SLCO1C1: variants seen among roughly 807,000 people sequenced by gnomAD.
The protein encoded by SLCO1C1 is OAT-RP-5.
A neutral mutation model predicts 76.4 loss-of-function variants in SLCO1C1; 70 were observed. That is an observed-to-expected ratio of 0.92 (90% confidence interval 0.76 to 1.12). The LOEUF (loss-of-function observed/expected upper bound fraction) is 1.12, where lower values mean the gene tolerates loss of function less well. Among genes scored for constraint, SLCO1C1 ranks in the 50% most tolerant of loss-of-function variants. The pLI is 0.00. For missense variants in SLCO1C1, 912 were observed against 823.8 expected, an observed-to-expected ratio of 1.11 and a Z score of -1.31; for synonymous variants, 306 against 286.1, an observed-to-expected ratio of 1.07 and a Z score of -0.70.
chr12:20,740,401 C>T (rs751227067), intron 12 of SLCO1C1, 33 bp downstream of exon 12: 1 of 1,558,564 alleles, frequency 6.4e-7, no homozygotes, highest in South Asian at 1.2e-5. Context: ...CTAATTTTAA[C>T]ACAAGACACA....
At chr12:20,738,418 A>T (rs939423066) in intron 11 of SLCO1C1, among the ~76,000 whole-genome samples, 2 of 151,920 alleles carry the variant, frequency 1.3e-5, no homozygotes, top group Non-Finnish European at 2.9e-5. Context: ...CATGTATCTC[A>T]TTTATTTATA....
chr12:20,711,009 GGAA>G (rs35639257), intron 4 of SLCO1C1, among the ~76,000 whole-genome samples: 11,230 of 152,130 alleles, frequency 0.074, 570 homozygotes, highest in African/African-American at 0.13. Flanking sequence ...GGGCCACATT[GGAA>G]GAAGAAGAAT....
At chr12:20,740,685 A>G (rs1948759580) in intron 12 of SLCO1C1, among the ~76,000 whole-genome samples, 1 of 150,290 alleles carries the variant, frequency 6.7e-6, no homozygotes, top group African/African-American at 2.4e-5. Context: ...AGCATAGGTA[A>G]CATGCATTTT....
intron 9 of SLCO1C1, among the ~76,000 whole-genome samples, chr12:20,724,938 T>C (rs1264110984): frequency 2.1e-5 from 3 of 144,128 alleles, no homozygotes; most frequent in Non-Finnish European, 4.5e-5. Flanking sequence ...AATCATTATG[T>C]ATTTATATGT....
At chr12:20,718,183 G>T (rs375694420) in intron 7 of SLCO1C1, among the ~76,000 whole-genome samples, 2 of 152,114 alleles carry the variant, frequency 1.3e-5, no homozygotes, top group African/African-American at 2.4e-5. Flanking sequence ...GTATAGATGC[G>T]ATGAGCAGTA....
At chr12:20,739,219 T>C (rs1948686338) in intron 11 of SLCO1C1, among the ~76,000 whole-genome samples, 1 of 152,166 alleles carries the variant, frequency 6.6e-6, no homozygotes, top group African/African-American at 2.4e-5. Flanking sequence ...GTCTATTCCA[T>C]TCCCCAGTTG....
rs1948731529 is a variant in SLCO1C1, at chr12:20,740,078, C to T, written c.1549-106C>T. On this transcript the variant is annotated intron_variant, in intron 11 of 14. Coordinates refer to ENST00000266509, the MANE Select transcript of SLCO1C1 (RefSeq NM_017435.5). The stretch of plus-strand genomic sequence containing the variant: ...ACAAAAAAATAAAAGAATATTTCCT[C>T]ATTGTTTACATAATGCATGGCTACG... The T allele has an allele frequency of 4.6e-6, 5 of 1,085,880 alleles. No individual in the cohort carries two copies. In the South Asian group the frequency reaches 8.2e-5, roughly 18 times the overall value. 67.3% of individuals were successfully genotyped at this position (1,085,880 alleles called of 1,614,324 possible). A position where few individuals can be genotyped will look rare whatever the true frequency, so the allele number is the denominator to read the frequency against.
chr12:20,720,997 CAAAAAAAAAA>C (rs35297084), intron 7 of SLCO1C1, among the ~76,000 whole-genome samples: 1 of 44,018 alleles, frequency 2.3e-5, no homozygotes, highest in Non-Finnish European at 4.1e-5. Context: ...AACTCCATCT[CAAAAAAAAAA>C]AAAAAAAAAA....
chr12:20,705,847 A>T, intron 3 of SLCO1C1, 102 bp from the exon 4 acceptor site: 1 of 1,204,716 alleles, frequency 8.3e-7, no homozygotes, highest in Non-Finnish European at 1.2e-6. Flanking sequence ...TGGCTTAGTT[A>T]AAAGAAAACA....
intron 12 of SLCO1C1, among the ~76,000 whole-genome samples, chr12:20,740,963 T>C (rs894419114): frequency 2.0e-5 from 3 of 151,326 alleles, no homozygotes; most frequent in African/African-American, 7.3e-5. Flanking sequence ...CGAGATGGGG[T>C]AATTTATAAA....
chr12:20,711,282 C>G (rs764659604), intron 4 of SLCO1C1, 104 bp from the exon 5 acceptor site: 3 of 1,309,754 alleles, frequency 2.3e-6, no homozygotes, highest in Non-Finnish European at 2.1e-6. Flanking sequence ...TCAGAGACAG[C>G]TGCAAGCTCA....
intron 10 of SLCO1C1, among the ~76,000 whole-genome samples, chr12:20,736,422 A>C (rs1191675359): frequency 6.6e-6 from 1 of 151,968 alleles, no homozygotes; most frequent in Non-Finnish European, 1.5e-5. Flanking sequence ...TTCCAGTAAA[A>C]TTTTATCAAC....
rs1352229383 is a variant in SLCO1C1, at chr12:20,752,523, C to T, written c.2134C>T (p.Leu712Phe). The change falls in exon 15 of 15, where the codon CTT (leucine) becomes TTT (phenylalanine). Residue 712 changes from leucine (L) to phenylalanine (F), a missense_variant. Coordinates refer to ENST00000266509, the MANE Select transcript of SLCO1C1 (RefSeq NM_017435.5). ...CTACTGGCCAGGCAAGGAAACTCAA[C>T]TTTAGAAACATGATGACTGGAAGTC... ...PNYWPGKETQL is the reference protein window; with the variant it reads ...PNYWPGKETQF 2 of 1,577,004 alleles carry T rather than the reference C, an allele frequency of 1.3e-6. No individual in the cohort carries two copies. Among genetic ancestry groups the T allele is most frequent in the Admixed American group, 1.8e-5 (1 of 54,816 alleles).
chr12:20,752,246 T>C (rs775691028), intron 14 of SLCO1C1, 60 bp from the exon 15 acceptor site: 3 of 1,162,820 alleles, frequency 2.6e-6, no homozygotes, highest in Non-Finnish European at 3.6e-6. Context: ...TATTACCTTT[T>C]AAATTTTCTT....
At chr12:20,712,817 G>A (rs1438961148) in intron 5 of SLCO1C1, among the ~76,000 whole-genome samples, 2 of 152,274 alleles carry the variant, frequency 1.3e-5, no homozygotes, top group East Asian at 1.9e-4. Flanking sequence ...GGGGAAGGAA[G>A]AGGAAAGCAC....
rs553889947 is a variant in SLCO1C1, at chr12:20,753,273, G to A, written c.*745G>A. Reference sequence around the variant, plus strand: ...TAAAACTATTGTTAAATATAATACTGCCCCACTTTAATATATGTAAGCAAC... The same window carrying A: ...TAAAACTATTGTTAAATATAATACTACCCCACTTTAATATATGTAAGCAAC... On this transcript the variant is annotated 3_prime_UTR_variant, in exon 15 of 15. Transcript: ENST00000266509. 2.6e-5 allele frequency: 4 copies of A among 152,150 alleles called. No individual in the cohort carries two copies. The South Asian group carries it at 6.2e-4, about 24-fold the overall frequency. The allele number at this position is 152,150 out of a possible 1,614,324, so 9.4% of individuals were successfully genotyped here. A position where few individuals can be genotyped will look rare whatever the true frequency, so the allele number is the denominator to read the frequency against.
intron 5 of SLCO1C1, among the ~76,000 whole-genome samples, chr12:20,713,322 G>A (rs1357410978): frequency 6.6e-6 from 1 of 151,880 alleles, no homozygotes; most frequent in Admixed American, 6.6e-5. Flanking sequence ...CTCGTGATCC[G>A]CCCGCCTCGG....
chr12:20,725,183 T>C (rs2120777687), intron 9 of SLCO1C1, among the ~76,000 whole-genome samples: 1 of 136,694 alleles, frequency 7.3e-6, no homozygotes, highest in East Asian at 2.1e-4. Flanking sequence ...ATATTATAAA[T>C]CATATAATTA....
rs777771518 is a variant in SLCO1C1, at chr12:20,715,246, G to C, written c.637G>C (p.Asp213His). The C allele has an allele frequency of 1.2e-6, 2 of 1,614,024 alleles. No homozygotes were observed. The highest frequency in any genetic ancestry group is 1.7e-6 in the Non-Finnish European group (2 of 1,179,926). The part of the protein sequence containing the change: ...PIQPLGIAYL[D>H]DFASEDNAAF... ...TCAGCCTTTGGGCATTGCCTACCTG[G>C]ATGATTTTGCCAGTGAAGACAATGC... The change falls in exon 6 of 15, where the codon GAT (aspartate) becomes CAT (histidine). Residue 213 changes from aspartate (D) to histidine (H), a missense_variant. Asp to His is a moderately conservative substitution (Grantham distance 81). Coordinates refer to ENST00000266509, the MANE Select transcript of SLCO1C1 (RefSeq NM_017435.5).
Sources: gnomAD v4.1 joint callset for allele counts (sites outside exome capture counted in the v4.1 genomes callset) on GRCh38, gnomAD v4.1.1 for gene constraint, MANE v1.5 for transcripts, NCBI Gene and HGNC (gene_info 2026-07-23, HGNC 2026-07-21) for gene names.